Variants in PMEL observed in about 807,000 individuals in gnomAD.
The protein encoded by PMEL is premelanosome protein.
In PMEL, 53 loss-of-function variants were observed where a neutral mutation model predicts 64.9. That is an observed-to-expected ratio of 0.82 (90% CI 0.66 to 1.03). The LOEUF is 1.03. Ranked by LOEUF, PMEL falls within the 50% of genes least tolerant of loss-of-function variation. PMEL has a pLI of 0.00. For synonymous variants in PMEL, 299 were observed against 316.2 expected (o/e 0.95, Z 0.58); for missense variants, 716 against 814.9 (o/e 0.88, Z 1.48).
At chr12:55,959,246 G>A (rs1385468505) in intron 3 of PMEL, among the ~76,000 whole-genome samples, 2 of 151,722 alleles carry the variant, frequency 1.3e-5, no homozygotes, top group Admixed American at 1.3e-4. Flanking sequence ...TTAGCCAGGT[G>A]TGGTGGTATG....
rs1158520580 is a variant in PMEL, at chr12:55,954,490, T to C, written c.1851-141A>G. 5.0e-6 allele frequency: 4 copies of C among 803,552 alleles called. No homozygotes were observed. In the Admixed American group the frequency reaches 1.1e-4, roughly 22 times the overall value. 49.8% of individuals were successfully genotyped at this position (803,552 alleles called of 1,614,324 possible). ...CCTCCCCTTCTCCTCACCTCCAGGGTTTACCCTCTCTTATTTCTGTGGTAA... is the reference window on the plus strand; with the variant it reads ...CCTCCCCTTCTCCTCACCTCCAGGGCTTACCCTCTCTTATTTCTGTGGTAA... On this transcript the variant is annotated intron_variant, in intron 10 of 10. Transcript: ENST00000548747.
chr12:55,964,661 T>C (rs1484086610), intron 1 of PMEL, among the ~76,000 whole-genome samples: 2 of 152,014 alleles, frequency 1.3e-5, no homozygotes, highest in African/African-American at 4.8e-5. Flanking sequence ...AGAGTCTTGC[T>C]GTTGCCCAGG....
At position 55,955,459 on chromosome 12, in the gene PMEL, C is replaced by T. The variant is rs1439350264; in HGVS notation, c.1762+5G>A. The T allele has an allele frequency of 1.9e-6, 3 of 1,613,848 alleles. No individual in the cohort carries two copies. In the African/African-American group the frequency reaches 4.0e-5, roughly 22 times the overall value. ...CCTCATCTTAGCTCTTGTCCAAGGA[C>T]CTACCAGGCATGATAAGCTGGGTGC... On this transcript the variant is annotated splice_donor_5th_base_variant and intron_variant, in intron 9 of 10. Coordinates refer to ENST00000548747, the MANE Select transcript of PMEL (RefSeq NM_001384361.1).
In PMEL at chr12:55,961,713, C is replaced by A. The variant is rs141458689; in HGVS notation, c.96G>T (p.Trp32Cys). The A allele has an allele frequency of 1.1e-4, 175 of 1,613,826 alleles. 1 individual carries two copies. The African/African-American group carries it at 1.9e-3, about 18-fold the overall frequency. Residue 32 changes from tryptophan (W) to cysteine (C), a missense_variant, in exon 2 of 11, where the codon TGG becomes TGT. Physicochemically the swap from Trp to Cys is radical, Grantham distance 215. Transcript: ENST00000548747. The part of the protein sequence containing the change: ...GATKVPRNQD[W>C]LGVSRQLRTK... ...TTCTGAGTTGCCTTGAGACACCAAG[C>A]CAGTCCTGGTTTCTGGGTACTAAAA...
intron 3 of PMEL, among the ~76,000 whole-genome samples, chr12:55,960,098 C>A (rs905457721): frequency 2.6e-5 from 4 of 151,404 alleles, no homozygotes; most frequent in African/African-American, 4.9e-5. Flanking sequence ...CTACTCCCAG[C>A]TACTCAGGAG....
intron 1 of PMEL, among the ~76,000 whole-genome samples, chr12:55,964,468 G>A (rs1020415204): frequency 4.0e-5 from 6 of 151,580 alleles, no homozygotes; most frequent in African/African-American, 1.5e-4. Context: ...CCTAGGCCTG[G>A]CTAATTTTTT....
At chr12:55,957,814 C>T (rs1888950151) in intron 5 of PMEL, 109 bp downstream of exon 5, 2 of 1,518,556 alleles carry the variant, frequency 1.3e-6, no homozygotes, top group East Asian at 2.3e-5. Flanking sequence ...CTTCCTGGCC[C>T]TTCTACTTTA....
At chr12:55,962,313 C>T (rs1889131371) in intron 1 of PMEL, among the ~76,000 whole-genome samples, 1 of 150,162 alleles carries the variant, frequency 6.7e-6, no homozygotes. Flanking sequence ...CATGGTGGTG[C>T]GCACCTGTAG....
chr12:55,961,476 G>A lies in PMEL; in HGVS notation c.188-13C>T, dbSNP rs1592772899. The stretch of plus-strand genomic sequence containing the variant: ...GACACTTGACCACCTGGGAAGGAAA[G>A]CTACATTAGCTGGGACTCCTGGGCT... On this transcript the variant is annotated splice_polypyrimidine_tract_variant and intron_variant, in intron 2 of 10. Coordinates refer to ENST00000548747, the MANE Select transcript of PMEL (RefSeq NM_001384361.1). The A allele has an allele frequency of 6.2e-7, 1 of 1,613,830 alleles. No individual in the cohort carries two copies. The highest frequency in any genetic ancestry group is 8.5e-7 in the Non-Finnish European group (1 of 1,179,786).
rs932634726 is a variant in PMEL, at chr12:55,961,630, C to T, written c.179G>A (p.Cys60Tyr). The change falls in exon 2 of 11, where the codon TGC (cysteine) becomes TAC (tyrosine). Residue 60 changes from cysteine (C) to tyrosine (Y), a missense_variant. Physicochemically the swap from Cys to Tyr is radical, Grantham distance 194. Coordinates refer to ENST00000548747, the MANE Select transcript of PMEL (RefSeq NM_001384361.1). ...PEWTEAQRLDCWRGGQVSLKV... is the reference protein window; with the variant it reads ...PEWTEAQRLDYWRGGQVSLKV... The stretch of plus-strand genomic sequence containing the variant: ...AACTTCCAAGTTCCTACCTCTCCAG[C>T]AGTCAAGTCTCTGGGCTTCTGTCCA... 2.4e-5 allele frequency: 38 copies of T among 1,613,158 alleles called. No homozygotes were observed. Among genetic ancestry groups the T allele is most frequent in the Non-Finnish European group, 3.1e-5 (37 of 1,179,274 alleles).
In PMEL at chr12:55,955,673, G is replaced by C; in HGVS notation, c.1557-4C>G. 1.9e-6 allele frequency: 3 copies of C among 1,612,312 alleles called. No homozygotes were observed. Among genetic ancestry groups the C allele is most frequent in the Non-Finnish European group, 2.5e-6 (3 of 1,178,830 alleles). ...CATGCAGGCTTCCTTGGGCAGCCTGGAAGAAGTGTCAGCATATATAAGGGG... is the reference window on the plus strand; with the variant it reads ...CATGCAGGCTTCCTTGGGCAGCCTGCAAGAAGTGTCAGCATATATAAGGGG... On this transcript the variant is annotated splice_polypyrimidine_tract_variant and splice_region_variant and intron_variant, in intron 8 of 10. Transcript: ENST00000548747.
At chr12:55,961,939 C>T (rs1592773519) in intron 1 of PMEL, among the ~76,000 whole-genome samples, 1 of 150,572 alleles carries the variant, frequency 6.6e-6, no homozygotes, top group African/African-American at 2.4e-5. Flanking sequence ...TGGGTTCAAG[C>T]GATTCTCCTG....
chr12:55,959,760 G>A (rs540927839), intron 3 of PMEL, among the ~76,000 whole-genome samples: 2 of 151,802 alleles, frequency 1.3e-5, no homozygotes, highest in Admixed American at 6.6e-5. Context: ...AGCCAAGATC[G>A]CACCACTGCA....
intron 1 of PMEL, among the ~76,000 whole-genome samples, chr12:55,962,499 A>T (rs369923130): frequency 3.8e-4 from 29 of 77,116 alleles, no homozygotes; most frequent in South Asian, 1.5e-3. Flanking sequence ...TTATTTGTTT[A>T]TTTATTTATT....
Position 55,954,359 on chromosome 12 carries a change from G to A in PMEL, c.1851-10C>T, listed in dbSNP as rs182137039. The A allele has an allele frequency of 1.5e-4, 248 of 1,613,926 alleles. No homozygotes were observed. The highest frequency in any genetic ancestry group is 5.4e-4 in the South Asian group (49 of 91,062). On this transcript the variant is annotated splice_polypyrimidine_tract_variant and intron_variant, in intron 10 of 10. Transcript: ENST00000548747. ...CTTCATAAGTCTGCGCCTGATATTGGGAGAAGGGGTAAACTGGTTAGCAAT... is the reference window on the plus strand; with the variant it reads ...CTTCATAAGTCTGCGCCTGATATTGAGAGAAGGGGTAAACTGGTTAGCAAT...
rs1390391157 is a variant in PMEL at position 55,954,241 on chromosome 12, G to T, written c.1959C>A (p.Ser653Arg). Reference protein sequence around the residue: ...IFCSCPIGENSPLLSGQQV With the variant: ...IFCSCPIGENRPLLSGQQV ...AGACCTGCTGCCCACTGAGGAGGGG[G>T]CTGTTCTCACCAATGGGACAAGAGC... The change falls in exon 11 of 11, where the codon AGC becomes AGA. Residue 653 changes from serine to arginine, a missense_variant. Physicochemically the swap from Ser to Arg is moderately radical, Grantham distance 110. Transcript: ENST00000548747. The T allele has an allele frequency of 6.2e-7, 1 of 1,613,624 alleles. No homozygotes were observed. Among genetic ancestry groups the T allele is most frequent in the Non-Finnish European group, 8.5e-7 (1 of 1,179,700 alleles).
chr12:55,954,365 G>C lies in PMEL; in HGVS notation c.1851-16C>G. On this transcript the variant is annotated splice_polypyrimidine_tract_variant and intron_variant, in intron 10 of 10. Coordinates refer to ENST00000548747, the MANE Select transcript of PMEL (RefSeq NM_001384361.1). ...AAGTCTGCGCCTGATATTGGGAGAA[G>C]GGGTAAACTGGTTAGCAATGGACAA... 2 of 1,613,790 alleles carry C rather than the reference G, an allele frequency of 1.2e-6. No individual in the cohort carries two copies. The highest frequency in any genetic ancestry group is 1.7e-6 in the Non-Finnish European group (2 of 1,179,802).
At chr12:55,958,146 C>T (rs1442664689) in intron 4 of PMEL, 62 bp from the exon 5 acceptor site, 4 of 1,565,818 alleles carry the variant, frequency 2.6e-6, no homozygotes, top group East Asian at 4.5e-5. Context: ...GACTGAGGGA[C>T]AGGCTTCGAA....
Position 55,957,527 on chromosome 12 carries a change from G to A in PMEL, c.776C>T (p.Thr259Ile), listed in dbSNP as rs750000513. ...TCCACTACTGTCTCCAAAGTCCCAG[G>A]TGTAGGAGAGGTCAGCTTCAGCCAG... ...GYLAEADLSY[T>I]WDFGDSSGTL... Residue 259 changes from threonine to isoleucine, a missense_variant, in exon 6 of 11, where the codon ACC (threonine) becomes ATC (isoleucine). Transcript: ENST00000548747. 3.7e-6 allele frequency: 6 copies of A among 1,613,902 alleles called. No homozygotes were observed. The highest frequency in any genetic ancestry group is 1.7e-5 in the Admixed American group (1 of 59,976).
Sources: allele counts gnomAD v4.1 joint callset (sites outside exome capture counted in the v4.1 genomes callset), GRCh38; gene constraint gnomAD v4.1.1; transcripts MANE v1.5; gene names NCBI Gene and HGNC (gene_info 2026-07-23, HGNC 2026-07-21).